The following SRGAP2B variants were observed in gnomAD, a reference collection of about 807,000 sequenced individuals.
The protein encoded by SRGAP2B is SLIT-ROBO Rho GTPase-activating protein 2B.
In SRGAP2B, 9 loss-of-function variants were observed where a neutral mutation model predicts 22.2. That is an observed-to-expected ratio of 0.41 (90% CI 0.24 to 0.71). SRGAP2B has a LOEUF of 0.71. SRGAP2B is among the 30% of genes least tolerant of loss of function. The probability of loss-of-function intolerance (pLI) is 0.35; values close to 1 mark genes in which losing one functional copy is unlikely to be tolerated. For synonymous variants in SRGAP2B, 36 were observed against 87.4 expected (o/e 0.41, Z 3.28); for missense variants, 114 against 235.8 (o/e 0.48, Z 3.38).
At chr1:144,910,451 G>C (rs1346708486) in intron 5 of SRGAP2B, among the ~76,000 whole-genome samples, 2 of 148,158 alleles carry the variant, frequency 1.3e-5, no homozygotes, top group African/African-American at 5.2e-5. Flanking sequence ...AAGTGCCATT[G>C]TTTCAAGGGA....
At chr1:144,929,691 T>C (rs587734010) in intron 4 of SRGAP2B, among the ~76,000 whole-genome samples, 20 of 151,370 alleles carry the variant, frequency 1.3e-4, no homozygotes, top group African/African-American at 4.9e-4. Context: ...AGAGATATAT[T>C]AGGTCTAGGA....
intron 2 of SRGAP2B, among the ~76,000 whole-genome samples, chr1:145,044,127 T>C (rs12067759): frequency 3.7e-5 from 3 of 81,444 alleles, no homozygotes; most frequent in Admixed American, 1.3e-4. Flanking sequence ...CCAAACTGTG[T>C]TCTCTACTAA....
intron 4 of SRGAP2B, among the ~76,000 whole-genome samples, chr1:144,952,748 T>C (rs1469019965): frequency 6.6e-6 from 1 of 150,554 alleles, no homozygotes; most frequent in Non-Finnish European, 1.5e-5. Context: ...CATGCAATAC[T>C]CCCACCTCAG....
At chr1:144,973,436 GGGA>G (rs1668673260) in intron 3 of SRGAP2B, among the ~76,000 whole-genome samples, 1 of 135,926 alleles carries the variant, frequency 7.4e-6, no homozygotes, top group African/African-American at 3.0e-5. Context: ...AAGAGAAGGA[GGGA>G]GGGAGGGAGG....
chr1:145,020,891 C>T (rs1553623945), intron 2 of SRGAP2B, among the ~76,000 whole-genome samples: 5 of 149,690 alleles, frequency 3.3e-5, no homozygotes, highest in Non-Finnish European at 3.0e-5. Context: ...ACCCTGACTC[C>T]CTGGTTCAAG....
At chr1:144,984,332 A>AAACAACAACAAC (rs1202934958) in intron 3 of SRGAP2B, among the ~76,000 whole-genome samples, 31 of 118,444 alleles carry the variant, frequency 2.6e-4, no homozygotes, top group South Asian at 5.3e-4. Flanking sequence ...AAAAAAACCC[A>AAACAACAACAAC]AACAACAACA....
chr1:145,044,648 C>A (rs1393080606), intron 2 of SRGAP2B, among the ~76,000 whole-genome samples: 1 of 63,476 alleles, frequency 1.6e-5, no homozygotes, highest in Non-Finnish European at 2.8e-5. Flanking sequence ...TGAACCCCCT[C>A]CTAAAAAAAA....
chr1:144,945,480 G>C (rs587687948), intron 4 of SRGAP2B, among the ~76,000 whole-genome samples: 2 of 151,824 alleles, frequency 1.3e-5, no homozygotes, highest in African/African-American at 4.9e-5. Context: ...ACCACTTTGG[G>C]AGGCCAAGAT....
rs1212458774 is a variant in SRGAP2B at position 144,952,538 on chromosome 1, T to G, written c.423+2901A>C. Among the ~76,000 whole-genome samples the G allele has an allele frequency of 1.0e-4, 15 of 150,308 alleles. 1 individual carries two copies. The highest frequency in any genetic ancestry group is 3.5e-4 in the African/African-American group (14 of 39,958). Reference sequence around the variant, plus strand: ...TTTAGGAGTCAGGGTCTCCCTCTGTTGCCCAGGCTGGAGTGCAGTGGCATG... The same window carrying G: ...TTTAGGAGTCAGGGTCTCCCTCTGTGGCCCAGGCTGGAGTGCAGTGGCATG... On this transcript the variant is annotated intron_variant, in intron 4 of 9. Transcript: ENST00000612199.
intron 3 of SRGAP2B, among the ~76,000 whole-genome samples, chr1:144,974,163 G>T (rs1457234581): frequency 6.7e-6 from 1 of 148,504 alleles, no homozygotes; most frequent in Non-Finnish European, 1.5e-5. Context: ...GAGTAAAAAT[G>T]AGAATAAAGG....
intron 4 of SRGAP2B, among the ~76,000 whole-genome samples, chr1:144,953,751 G>C (rs1323440419): frequency 1.3e-5 from 2 of 150,250 alleles, no homozygotes; most frequent in African/African-American, 5.0e-5. Context: ...TATCTAGCCT[G>C]GTTTTTCTCT....
chr1:145,006,077 G>A lies in SRGAP2B; in HGVS notation c.68-10877C>T, dbSNP rs587599487. ...ATGTTGTTGATGCACCAGCCTGACAGTGCATTGCCTTCTACCCCTGCGGCG... is the reference window on the plus strand; with the variant it reads ...ATGTTGTTGATGCACCAGCCTGACAATGCATTGCCTTCTACCCCTGCGGCG... On this transcript the variant is annotated intron_variant, in intron 2 of 9. Transcript: ENST00000612199. Among the ~76,000 whole-genome samples the A allele has an allele frequency of 7.5e-4, 113 of 150,912 alleles. 1 individual carries two copies. Among genetic ancestry groups the A allele is most frequent in the Non-Finnish European group, 1.3e-3 (88 of 67,954 alleles).
In SRGAP2B at chr1:144,985,420, G is replaced by A. The variant is rs1217303753; in HGVS notation, c.260+9588C>T. On this transcript the variant is annotated intron_variant, in intron 3 of 9. Transcript: ENST00000612199. ...CTAAAAACTCAACAGAAAAAAAAAA[G>A]CTACCTAAAAAATGAGCTATTAAAA... 6.7e-5 allele frequency among the ~76,000 whole-genome samples: 10 copies of A among 148,310 alleles called. 1 individual carries two copies. Among genetic ancestry groups the A allele is most frequent in the Non-Finnish European group, 1.2e-4 (8 of 67,488 alleles).
At chr1:144,915,730 AAAAAG>A (rs1377537236) in intron 4 of SRGAP2B, among the ~76,000 whole-genome samples, 5 of 151,270 alleles carry the variant, frequency 3.3e-5, no homozygotes, top group South Asian at 4.2e-4. Flanking sequence ...CTGTCTCAAA[AAAAAG>A]AAAAGAAAAG....
intron 3 of SRGAP2B, among the ~76,000 whole-genome samples, chr1:144,963,180 A>G (rs1292299167): frequency 6.6e-6 from 1 of 150,784 alleles, no homozygotes; most frequent in East Asian, 1.9e-4. Flanking sequence ...GAATGAATAA[A>G]GAGGCTGTTA....
At chr1:145,084,762 TC>T (rs1180518718) in intron 2 of SRGAP2B, among the ~76,000 whole-genome samples, 5 of 151,556 alleles carry the variant, frequency 3.3e-5, no homozygotes, top group Non-Finnish European at 7.4e-5. Flanking sequence ...AGAAAGTTGG[TC>T]TGTATTTAGC....
At chr1:144,912,045 G>C (rs1165032364) in intron 5 of SRGAP2B, among the ~76,000 whole-genome samples, 1 of 145,676 alleles carries the variant, frequency 6.9e-6, no homozygotes, top group Non-Finnish European at 1.5e-5. Flanking sequence ...CTGCCTCCCA[G>C]GTTCAAGCCA....
At chr1:145,088,477 C>G (rs1653639286) in intron 2 of SRGAP2B, among the ~76,000 whole-genome samples, 1 of 146,430 alleles carries the variant, frequency 6.8e-6, no homozygotes, top group Non-Finnish European at 1.5e-5. Flanking sequence ...AGACAAGACC[C>G]CTAATGTTCT....
In SRGAP2B at chr1:144,922,905, C is replaced by A. The variant is rs1317838700; in HGVS notation, c.424-8151G>T. Reference sequence around the variant, plus strand: ...ATGTGTGAGCAGTAACACTTGATAACCCACAAGTAATGCTAGTGGCCCTGG... The same window carrying A: ...ATGTGTGAGCAGTAACACTTGATAAACCACAAGTAATGCTAGTGGCCCTGG... On this transcript the variant is annotated intron_variant, in intron 4 of 9. Transcript: ENST00000612199. Among the ~76,000 whole-genome samples the A allele has an allele frequency of 3.3e-5, 5 of 151,116 alleles. No homozygotes were observed. The East Asian group carries it at 9.7e-4, about 29-fold the overall frequency.
Sources: allele counts gnomAD v4.1 joint callset (sites outside exome capture counted in the v4.1 genomes callset), GRCh38; gene constraint gnomAD v4.1.1; transcripts MANE v1.5; gene names NCBI Gene and HGNC (gene_info 2026-07-23, HGNC 2026-07-21).